The following YWHAE variants were observed in gnomAD, a reference collection of about 807,000 sequenced individuals.
YWHAE encodes tyrosine 3-monooxygenase/tryptophan 5-monooxygenase activation protein epsilon, also known as 14-3-3 protein epsilon.
A neutral mutation model predicts 30.1 loss-of-function variants in YWHAE; 4 were observed. That is an observed-to-expected ratio of 0.13 (90% CI 0.07 to 0.30). The LOEUF (loss-of-function observed/expected upper bound fraction) is 0.30. Among genes scored for constraint, YWHAE ranks in the 10% least tolerant of loss-of-function variants. The probability of loss-of-function intolerance (pLI) is 1.00; values close to 1 mark genes in which losing one functional copy is unlikely to be tolerated. For missense variants in YWHAE, 121 were observed against 315.9 expected (o/e 0.38, Z 4.68); for synonymous variants, 118 against 111.8 (o/e 1.06, Z -0.35).
chr17:1,372,824 G>A (rs973317720), intron 1 of YWHAE, among the ~76,000 whole-genome samples: 1 of 152,100 alleles, frequency 6.6e-6, no homozygotes, highest in Non-Finnish European at 1.5e-5. Flanking sequence ...ATGGTGATGT[G>A]TGCCTGTCGT....
chr17:1,381,271 T>G (rs143581436), intron 1 of YWHAE, among the ~76,000 whole-genome samples: 1,843 of 152,134 alleles, frequency 0.012, 13 homozygotes, highest in Non-Finnish European at 0.019. Context: ...TCCCAGCACT[T>G]TTGGAGGCTG....
At chr17:1,394,805 A>G (rs1391385026) in intron 1 of YWHAE, among the ~76,000 whole-genome samples, 4 of 151,200 alleles carry the variant, frequency 2.6e-5, no homozygotes, top group Non-Finnish European at 5.9e-5. Flanking sequence ...CATCTCTACT[A>G]AAAATACAAA....
chr17:1,356,830 C>T (rs993163308), intron 4 of YWHAE, among the ~76,000 whole-genome samples: 2 of 151,362 alleles, frequency 1.3e-5, no homozygotes, highest in African/African-American at 2.4e-5. Context: ...TTCAGTCAAG[C>T]GCAGTGAAGC....
At chr17:1,352,513 C>CCCACCA (rs1481558078) in intron 5 of YWHAE, among the ~76,000 whole-genome samples, 40 of 151,838 alleles carry the variant, frequency 2.6e-4, no homozygotes, top group Non-Finnish European at 3.4e-4. Context: ...ATGTTTCAGC[C>CCCACCA]TAAGAAACGT....
intron 4 of YWHAE, among the ~76,000 whole-genome samples, chr17:1,359,009 G>A (rs180672186): frequency 8.6e-5 from 13 of 151,838 alleles, no homozygotes; most frequent in Admixed American, 1.3e-4. Context: ...GGTGGCAGGC[G>A]CCTATAATCC....
intron 1 of YWHAE, among the ~76,000 whole-genome samples, chr17:1,370,366 T>A (rs185002748): frequency 6.6e-6 from 1 of 151,578 alleles, no homozygotes; most frequent in African/African-American, 2.4e-5. Context: ...CTCCTGACCT[T>A]GTGATCCGCC....
intron 5 of YWHAE, among the ~76,000 whole-genome samples, chr17:1,346,682 G>A (rs1345946623): frequency 6.6e-6 from 1 of 152,166 alleles, no homozygotes; most frequent in Non-Finnish European, 1.5e-5. Context: ...GTGAAGCCCT[G>A]TCTCTACAAA....
rs1333075710 is a variant in YWHAE at position 1,389,688 on chromosome 17, G to A, written c.64+10359C>T. 1.0e-4 allele frequency among the ~76,000 whole-genome samples: 14 copies of A among 140,418 alleles called. No homozygotes were observed. The East Asian group carries it at 1.8e-3, about 18-fold the overall frequency. The allele number at this position is 140,418 out of a possible 152,430, so 92.1% of individuals were successfully genotyped here. A position where few individuals can be genotyped will look rare whatever the true frequency, so the allele number is the denominator to read the frequency against. ...TGGGACTACAGGCGCCCGCTACCAC[G>A]CCCAGCTAATTTTTTGTATTTTTAG... On this transcript the variant is annotated intron_variant, in intron 1 of 5. Coordinates refer to ENST00000264335, the MANE Select transcript of YWHAE (RefSeq NM_006761.5).
chr17:1,387,109 T>C (rs1598267527), intron 1 of YWHAE, among the ~76,000 whole-genome samples: 1 of 152,262 alleles, frequency 6.6e-6, no homozygotes, highest in African/African-American at 2.4e-5. Flanking sequence ...AAAAGCTACT[T>C]TTCCCTTTGG....
intron 5 of YWHAE, among the ~76,000 whole-genome samples, chr17:1,351,673 C>A (rs897827761): frequency 6.6e-6 from 1 of 152,084 alleles, no homozygotes; most frequent in Non-Finnish European, 1.5e-5. Flanking sequence ...GTTCAGTCAT[C>A]CAGGTTAGAA....
chr17:1,359,510 T>G (rs2072818022), intron 4 of YWHAE, among the ~76,000 whole-genome samples: 1 of 152,150 alleles, frequency 6.6e-6, no homozygotes, highest in Non-Finnish European at 1.5e-5. Flanking sequence ...ATTGTGTAAA[T>G]TCAGTCACTA....
chr17:1,356,028 G>C lies in YWHAE; in HGVS notation c.579-1681C>G, dbSNP rs1335489283. 3.9e-5 allele frequency among the ~76,000 whole-genome samples: 6 copies of C among 152,288 alleles called. No homozygotes were observed. The East Asian group carries it at 1.2e-3, about 29-fold the overall frequency. On this transcript the variant is annotated intron_variant, in intron 4 of 5. Transcript: ENST00000264335. The stretch of plus-strand genomic sequence containing the variant: ...CTAAAAATACAAAAAAATTAGCCGG[G>C]AGCAGTGGCAGGTGCCTGTAGTCCC...
intron 2 of YWHAE, among the ~76,000 whole-genome samples, chr17:1,363,218 ATT>A (rs1405299240): frequency 6.6e-6 from 1 of 151,832 alleles, no homozygotes; most frequent in Non-Finnish European, 1.5e-5. Flanking sequence ...TTCTCTTATT[ATT>A]TCTATTTAGG....
chr17:1,357,034 C>A (rs1395147551), intron 4 of YWHAE, among the ~76,000 whole-genome samples: 1 of 151,470 alleles, frequency 6.6e-6, no homozygotes, highest in Non-Finnish European at 1.5e-5. Context: ...CTTTGGGAGG[C>A]CGAGGAGGGC....
At chr17:1,359,823 T>C (rs976011371) in intron 4 of YWHAE, among the ~76,000 whole-genome samples, 6 of 98,700 alleles carry the variant, frequency 6.1e-5, no homozygotes, top group African/African-American at 2.4e-4. Context: ...TGTGTGTGTG[T>C]GTGTGTGTGT....
At chr17:1,360,835 C>T (rs1265579216) in intron 4 of YWHAE, among the ~76,000 whole-genome samples, 1 of 152,078 alleles carries the variant, frequency 6.6e-6, no homozygotes, top group Non-Finnish European at 1.5e-5. Flanking sequence ...CATTTCCTTC[C>T]TCTACTCATT....
chr17:1,362,496 G>A (rs1360473723), intron 2 of YWHAE, among the ~76,000 whole-genome samples: 1 of 152,126 alleles, frequency 6.6e-6, no homozygotes, highest in East Asian at 1.9e-4. Flanking sequence ...CAGGCAGTTT[G>A]CCTTCAGCAC....
intron 1 of YWHAE, among the ~76,000 whole-genome samples, chr17:1,394,221 G>T (rs981085418): frequency 1.3e-5 from 2 of 151,940 alleles, no homozygotes; most frequent in Non-Finnish European, 1.5e-5. Flanking sequence ...CCAGAAAATG[G>T]GAGTAACGCT....
At chr17:1,379,548 C>T (rs2073174017) in intron 1 of YWHAE, among the ~76,000 whole-genome samples, 1 of 152,164 alleles carries the variant, frequency 6.6e-6, no homozygotes, top group African/African-American at 2.4e-5. Flanking sequence ...ATCAACTACA[C>T]TAATTCTAAT....
Sources: allele counts gnomAD v4.1 joint callset (sites outside exome capture counted in the v4.1 genomes callset), GRCh38; gene constraint gnomAD v4.1.1; transcripts MANE v1.5; gene names NCBI Gene and HGNC (gene_info 2026-07-23, HGNC 2026-07-21).